The following SPATA6 variants were observed in gnomAD, a reference collection of about 807,000 sequenced individuals.
SPATA6 encodes spermatogenesis associated 6.
A neutral mutation model predicts 65.3 loss-of-function variants in SPATA6; 56 were observed. That is an observed-to-expected ratio of 0.86 (90% confidence interval 0.69 to 1.07). The LOEUF (loss-of-function observed/expected upper bound fraction) is 1.07. Ranked by LOEUF, SPATA6 falls within the 50% of genes least tolerant of loss-of-function variation. The probability of loss-of-function intolerance (pLI) is 0.00; values close to 1 mark genes in which losing one functional copy is unlikely to be tolerated. For synonymous variants in SPATA6, 199 were observed against 213.2 expected (o/e 0.93, Z 0.58); for missense variants, 590 against 594.8 (o/e 0.99, Z 0.08).
chr1:48,293,658 A>G (rs1035483129), downstream of SPATA6, among the ~76,000 whole-genome samples: 2 of 152,236 alleles, frequency 1.3e-5, no homozygotes, highest in South Asian at 2.1e-4. Context: ...AGAGAACAGT[A>G]TATCAGCTGA....
chr1:48,307,716 T>C (rs1645096717), intron 11 of SPATA6, among the ~76,000 whole-genome samples: 1 of 151,840 alleles, frequency 6.6e-6, no homozygotes, highest in African/African-American at 2.4e-5. Context: ...TTATATTGCA[T>C]ATCTATTTCT....
chr1:48,286,870 C>G, the SPATA6 span, among the ~76,000 whole-genome samples: 1 of 151,928 alleles, frequency 6.6e-6, no homozygotes, highest in Non-Finnish European at 1.5e-5. Flanking sequence ...AGCCCTGTCT[C>G]TACTAAAAGT....
downstream of SPATA6, among the ~76,000 whole-genome samples, chr1:48,292,795 T>C (rs1394176001): frequency 1.3e-5 from 2 of 152,218 alleles, no homozygotes; most frequent in African/African-American, 4.8e-5. Flanking sequence ...CCCATGAGAA[T>C]TGGTCACAGA....
intron 11 of SPATA6, among the ~76,000 whole-genome samples, chr1:48,317,533 G>A (rs534207633): frequency 2.0e-5 from 3 of 151,994 alleles, no homozygotes; most frequent in African/African-American, 7.2e-5. Flanking sequence ...GTTGTGGGGT[G>A]GGGGGAGAGG....
the SPATA6 span, among the ~76,000 whole-genome samples, chr1:48,265,931 C>T: frequency 2.6e-5 from 4 of 152,158 alleles, no homozygotes; most frequent in Non-Finnish European, 4.4e-5. Context: ...AATCCTACAC[C>T]TAGGAAAAGT....
chr1:48,449,702 C>T (rs1012967775), intron 3 of SPATA6, among the ~76,000 whole-genome samples: 1 of 152,168 alleles, frequency 6.6e-6, no homozygotes, highest in Admixed American at 6.5e-5. Flanking sequence ...TGCAAAAAGA[C>T]ACTTTGAGGA....
chr1:48,371,885 G>T (rs146509500), intron 9 of SPATA6, among the ~76,000 whole-genome samples: 1 of 151,948 alleles, frequency 6.6e-6, no homozygotes, highest in African/African-American at 2.4e-5. Context: ...AGAAACCCCT[G>T]ATAAACCCAA....
chr1:48,469,002 G>C (rs1473592350), intron 1 of SPATA6, among the ~76,000 whole-genome samples: 1 of 152,070 alleles, frequency 6.6e-6, no homozygotes, highest in African/African-American at 2.4e-5. Context: ...GTGTTGCCCA[G>C]GCTGGAGTGC....
chr1:48,287,450 G>C, the SPATA6 span, among the ~76,000 whole-genome samples: 1 of 152,236 alleles, frequency 6.6e-6, no homozygotes, highest in African/African-American at 2.4e-5. Context: ...GTTGAAATGT[G>C]ATTCCCAATG....
intron 3 of SPATA6, chr1:48,435,944 T>C: frequency 4.4e-6 from 7 of 1,585,144 alleles, no homozygotes; most frequent in Non-Finnish European, 6.1e-6. Context: ...TTTGTCACTT[T>C]CTGTGTGAAC....
intron 11 of SPATA6, among the ~76,000 whole-genome samples, chr1:48,344,626 A>G (rs1359401873): frequency 1.3e-5 from 2 of 152,156 alleles, no homozygotes; most frequent in Non-Finnish European, 2.9e-5. Flanking sequence ...GCTGTCTTCA[A>G]GAGACCCAAG....
At chr1:48,263,886 G>T in the SPATA6 span, among the ~76,000 whole-genome samples, 1 of 152,092 alleles carries the variant, frequency 6.6e-6, no homozygotes, top group African/African-American at 2.4e-5. Flanking sequence ...GAGTGCAGTG[G>T]TGGAATCATG....
At chr1:48,376,669 T>C (rs1432494620) in intron 9 of SPATA6, among the ~76,000 whole-genome samples, 2 of 152,150 alleles carry the variant, frequency 1.3e-5, no homozygotes, top group African/African-American at 4.8e-5. Context: ...TAAGTATGCA[T>C]TGCTTAACAA....
the SPATA6 span, among the ~76,000 whole-genome samples, chr1:48,288,321 G>A: frequency 6.6e-6 from 1 of 152,078 alleles, no homozygotes; most frequent in South Asian, 2.1e-4. Flanking sequence ...AGTTTGGGAG[G>A]GTCTTCCCTT....
intron 11 of SPATA6, chr1:48,326,156 A>G (rs1645753925): frequency 6.5e-6 from 1 of 153,346 alleles, no homozygotes; most frequent in Non-Finnish European, 1.5e-5. Context: ...GGTAGGCCCA[A>G]AGGAAAAAAT....
At chr1:48,341,818 G>A (rs556450525) in intron 11 of SPATA6, among the ~76,000 whole-genome samples, 42 of 152,218 alleles carry the variant, frequency 2.8e-4, no homozygotes, top group African/African-American at 1.0e-3. Context: ...AGTTGAGAAA[G>A]GCATTAAATT....
At chr1:48,471,775 T>A (rs1489807638) in intron 1 of SPATA6, among the ~76,000 whole-genome samples, 183 bp downstream of exon 1, 1 of 152,082 alleles carries the variant, frequency 6.6e-6, no homozygotes, top group Non-Finnish European at 1.5e-5. Flanking sequence ...GGCCTCTGCG[T>A]GGCCGGAGTG....
Position 48,298,878 on chromosome 1 carries a change from T to A in SPATA6, c.1302A>T (p.Pro434=). Residue 434 remains proline, a synonymous_variant, in exon 13 of 13, where the codon CCA becomes CCT. Coordinates refer to ENST00000371847, the MANE Select transcript of SPATA6 (RefSeq NM_019073.4). The part of the protein sequence containing the change: ...SDPEYSSCQQ[P]RGTFHLDDGE... ...CGTCATCCAAATGGAAAGTGCCACGTGGCTGCTGACATGAGCTATAAAAAG... is the reference window on the plus strand; with the variant it reads ...CGTCATCCAAATGGAAAGTGCCACGAGGCTGCTGACATGAGCTATAAAAAG... 1 of 1,613,420 alleles carries A rather than the reference T, an allele frequency of 6.2e-7. No individual in the cohort carries two copies. Among genetic ancestry groups the A allele is most frequent in the Non-Finnish European group, 8.5e-7 (1 of 1,179,758 alleles).
At chr1:48,455,040 T>A (rs1178794954) in intron 1 of SPATA6, among the ~76,000 whole-genome samples, 1 of 152,200 alleles carries the variant, frequency 6.6e-6, no homozygotes, top group Non-Finnish European at 1.5e-5. Flanking sequence ...TTTGCTCTAA[T>A]ATATTCCCAA....
Sources: gnomAD v4.1 joint callset for allele counts (sites outside exome capture counted in the v4.1 genomes callset) on GRCh38, gnomAD v4.1.1 for gene constraint, MANE v1.5 for transcripts, NCBI Gene and HGNC (gene_info 2026-07-23, HGNC 2026-07-21) for gene names.